The following GPC6 variants were observed in gnomAD, a reference collection of about 807,000 sequenced individuals.
The protein encoded by GPC6 is glypican 6.
Under a neutral mutation model 55.2 loss-of-function variants are expected in GPC6, and 14 were observed. That is an observed-to-expected ratio of 0.25 (90% CI 0.17 to 0.40). The LOEUF is 0.40. Among genes scored for constraint, GPC6 ranks in the 10% least tolerant of loss-of-function variants. GPC6 has a pLI of 1.00. For synonymous variants in GPC6, 278 were observed against 259.6 expected (o/e 1.07, Z -0.68); for missense variants, 641 against 708.5 (o/e 0.90, Z 1.08).
intron 3 of GPC6, among the ~76,000 whole-genome samples, chr13:94,006,844 A>T (rs1882039921): frequency 6.6e-6 from 1 of 152,110 alleles, no homozygotes; most frequent in African/African-American, 2.4e-5. Context: ...TTTTTCAAGA[A>T]CTGCAAAGTA....
intron 2 of GPC6, among the ~76,000 whole-genome samples, chr13:93,619,383 A>C (rs1342243351): frequency 6.6e-6 from 1 of 152,198 alleles, no homozygotes; most frequent in Non-Finnish European, 1.5e-5. Flanking sequence ...TCACAGCTGT[A>C]AACCTGAATG....
At chr13:93,734,887 C>T (rs1594411479) in intron 2 of GPC6, among the ~76,000 whole-genome samples, 1 of 151,998 alleles carries the variant, frequency 6.6e-6, no homozygotes, top group South Asian at 2.1e-4. Flanking sequence ...TTGAAATCTT[C>T]CTGAAATACA....
intron 4 of GPC6, among the ~76,000 whole-genome samples, chr13:94,080,892 C>T (rs1417629573): frequency 2.6e-5 from 4 of 152,204 alleles, no homozygotes; most frequent in Admixed American, 6.5e-5. Flanking sequence ...CAAATCAGTT[C>T]ATACCAAAGG....
intron 1 of GPC6, among the ~76,000 whole-genome samples, chr13:93,457,783 A>G (rs1320765893): frequency 1.3e-5 from 2 of 152,226 alleles, no homozygotes. Flanking sequence ...AGAACCAGAG[A>G]TACTAATGAG....
At chr13:93,666,178 T>C (rs747032344) in intron 2 of GPC6, among the ~76,000 whole-genome samples, 1 of 152,190 alleles carries the variant, frequency 6.6e-6, no homozygotes, top group Non-Finnish European at 1.5e-5. Context: ...ATTTTCCTGA[T>C]TGTACTTTCA....
At chr13:94,029,644 TCAGTTGGCTTCAG>T (rs1302142655) in intron 4 of GPC6, among the ~76,000 whole-genome samples, 6 of 152,180 alleles carry the variant, frequency 3.9e-5, no homozygotes, top group Non-Finnish European at 7.3e-5. Flanking sequence ...CTAGCACAGT[TCAGTTGGCTTCAG>T]TCAGCCTGCA....
chr13:94,366,670 C>CTA (rs559918710), intron 6 of GPC6, among the ~76,000 whole-genome samples: 280 of 152,334 alleles, frequency 1.8e-3, no homozygotes, highest in Middle Eastern at 0.01. Context: ...AATCCATGCT[C>CTA]TAAATCATGG....
chr13:93,265,761 T>C (rs1393087404), intron 1 of GPC6, among the ~76,000 whole-genome samples: 1 of 152,212 alleles, frequency 6.6e-6, no homozygotes, highest in Non-Finnish European at 1.5e-5. Context: ...AGCCAACTGT[T>C]ACATTTTTAG....
intron 5 of GPC6, among the ~76,000 whole-genome samples, chr13:94,289,049 G>T (rs559895987): frequency 6.7e-6 from 1 of 150,008 alleles, no homozygotes; most frequent in East Asian, 2.0e-4. Context: ...CTCCATGAGT[G>T]ACTGGGATCC....
chr13:94,347,340 G>A (rs562304660), intron 6 of GPC6, among the ~76,000 whole-genome samples: 2 of 152,282 alleles, frequency 1.3e-5, no homozygotes, highest in South Asian at 2.1e-4. Context: ...GCAACTTCTT[G>A]TAGGAAAGAT....
intron 1 of GPC6, among the ~76,000 whole-genome samples, chr13:93,424,305 C>G (rs527785844): frequency 5.9e-5 from 9 of 152,246 alleles, no homozygotes; most frequent in African/African-American, 1.7e-4. Context: ...GCCCCAGCAT[C>G]GACCAAGTTA....
At chr13:94,169,883 A>G (rs1888500020) in intron 4 of GPC6, among the ~76,000 whole-genome samples, 1 of 152,050 alleles carries the variant, frequency 6.6e-6, no homozygotes. Flanking sequence ...TCTCAGTTCC[A>G]GAGAAAATGA....
At chr13:94,229,545 C>T (rs963438969) in intron 4 of GPC6, among the ~76,000 whole-genome samples, 4 of 152,078 alleles carry the variant, frequency 2.6e-5, no homozygotes, top group African/African-American at 9.7e-5. Context: ...TTACAAACTC[C>T]ACTTCAGGAA....
chr13:93,448,647 G>C (rs1299536370), intron 1 of GPC6, among the ~76,000 whole-genome samples: 1 of 152,138 alleles, frequency 6.6e-6, no homozygotes, highest in African/African-American at 2.4e-5. Context: ...TGTCAAACAA[G>C]ACTGAGTAAC....
rs534019633 is a variant in GPC6 at position 94,292,111 on chromosome 13, G to C, written c.1008+5632G>C. On this transcript the variant is annotated intron_variant, in intron 5 of 8. Coordinates refer to ENST00000377047, the MANE Select transcript of GPC6 (RefSeq NM_005708.5). ...TTTCTATTGTGTAATATTTATAATA[G>C]TGCTTGTGATGAGATAGAGCTCCCT... Among the ~76,000 whole-genome samples the C allele has an allele frequency of 2.0e-5, 3 of 152,262 alleles. No homozygotes were observed. The East Asian group carries it at 5.8e-4, about 29-fold the overall frequency.
chr13:94,149,283 C>T (rs941312935), intron 4 of GPC6, among the ~76,000 whole-genome samples: 9 of 151,992 alleles, frequency 5.9e-5, no homozygotes, highest in African/African-American at 9.7e-5. Flanking sequence ...ATGGAGATAC[C>T]GACTGCAAAG....
At chr13:93,973,464 C>G (rs958021411) in intron 3 of GPC6, among the ~76,000 whole-genome samples, 4 of 152,020 alleles carry the variant, frequency 2.6e-5, no homozygotes, top group Non-Finnish European at 4.4e-5. Context: ...ACTTTCTAGT[C>G]TTAATAATCA....
At chr13:93,476,339 G>A (rs879352191) in intron 1 of GPC6, among the ~76,000 whole-genome samples, 1 of 151,858 alleles carries the variant, frequency 6.6e-6, no homozygotes, top group African/African-American at 2.4e-5. Flanking sequence ...TAATATAAAC[G>A]TAGCCACTGG....
At chr13:93,811,650 T>C (rs554608350) in intron 2 of GPC6, among the ~76,000 whole-genome samples, 72 of 152,158 alleles carry the variant, frequency 4.7e-4, no homozygotes, top group African/African-American at 1.6e-3. Flanking sequence ...TTCATGGGGA[T>C]TGAGGCAGAG....
Sources: allele counts gnomAD v4.1 joint callset (sites outside exome capture counted in the v4.1 genomes callset), GRCh38; gene constraint gnomAD v4.1.1; transcripts MANE v1.5; gene names NCBI Gene and HGNC (gene_info 2026-07-23, HGNC 2026-07-21).